The following ZC3H14 variants were observed in gnomAD, a reference collection of about 807,000 sequenced individuals.
ZC3H14 encodes the protein zinc finger CCCH-type containing 14.
ZC3H14 carries 31 observed loss-of-function variants against 92.4 expected under a neutral mutation model. The ratio of observed to expected loss-of-function variants is 0.34; its 90% CI spans 0.25 to 0.45. The LOEUF is 0.45. Ranked by LOEUF, ZC3H14 falls within the 20% of genes least tolerant of loss-of-function variation. The pLI is 1.00. For missense variants in ZC3H14, 781 were observed against 897.3 expected, an observed-to-expected ratio of 0.87 and a Z score of 1.66; for synonymous variants, 321 against 300.9, an observed-to-expected ratio of 1.07 and a Z score of -0.69.
intron 6 of ZC3H14, among the ~76,000 whole-genome samples, chr14:88,573,273 G>A (rs972460194): frequency 2.6e-5 from 4 of 151,758 alleles, no homozygotes; most frequent in Non-Finnish European, 4.4e-5. Flanking sequence ...CCAGCTACTC[G>A]GGAGGCTGAG....
intron 9 of ZC3H14, among the ~76,000 whole-genome samples, chr14:88,593,257 CG>C (rs2083383778): frequency 6.6e-6 from 1 of 152,150 alleles, no homozygotes. Context: ...TGAGTCACCA[CG>C]CCCAGCCTAG....
chr14:88,627,379 T>C lies in ZC3H14; in HGVS notation c.*15628T>C, dbSNP rs2090075013. 2.1e-6 allele frequency: 1 copy of C among 476,570 alleles called. No individual in the cohort carries two copies. Among genetic ancestry groups the C allele is most frequent in the Non-Finnish European group, 3.7e-6 (1 of 270,804 alleles). The allele number at this position is 476,570 out of a possible 1,614,324, so 29.5% of individuals were successfully genotyped here. On this transcript the variant is annotated 3_prime_UTR_variant, in exon 17 of 17. Transcript: ENST00000251038. ...AACCAATCAAATCATTAATAATAAA[T>C]ACATAGTTTCTTGCTGGAAGAAAAT... is the stretch of plus-strand genomic sequence containing the variant.
chr14:88,605,286 A>G (rs117524055), intron 12 of ZC3H14, among the ~76,000 whole-genome samples: 1,642 of 152,282 alleles, frequency 0.011, 12 homozygotes, highest in Non-Finnish European at 0.018. Context: ...GTCATCTCAC[A>G]TTTTCTTTGG....
At chr14:88,565,237 G>A (rs895597451) in intron 2 of ZC3H14, among the ~76,000 whole-genome samples, 1 of 152,106 alleles carries the variant, frequency 6.6e-6, no homozygotes, top group Non-Finnish European at 1.5e-5. Flanking sequence ...TGCCTCCCGG[G>A]TTCAAGCGAT....
At chr14:88,588,359 AAATT>A (rs1443004014) in intron 9 of ZC3H14, among the ~76,000 whole-genome samples, 1 of 152,236 alleles carries the variant, frequency 6.6e-6, no homozygotes, top group Non-Finnish European at 1.5e-5. Context: ...TATAGAAGGT[AAATT>A]TTCTGAGTTC....
In ZC3H14 at chr14:88,572,921, C is replaced by T. The variant is rs747583343; in HGVS notation, c.775C>T (p.Arg259Cys). The change falls in exon 6 of 17, where the codon CGT (arginine) becomes TGT (cysteine). Residue 259 changes from arginine to cysteine, a missense_variant. Arg to Cys is a radical substitution (Grantham distance 180, BLOSUM62 -3). Transcript: ENST00000251038. ...MQSSWVYETGRLCEPEVLNSL... is the reference protein window; with the variant it reads ...MQSSWVYETGCLCEPEVLNSL... ...GAGTAGTTGGGTATATGAAACAGGA[C>T]GTTTGTGTGAACCAGAGGTGCTTAA... 4.3e-6 allele frequency: 7 copies of T among 1,613,992 alleles called. No individual in the cohort carries two copies. The African/African-American group carries it at 6.7e-5, about 15-fold the overall frequency.
chr14:88,606,911 A>C (rs762298612), intron 12 of ZC3H14, among the ~76,000 whole-genome samples: 29 of 151,294 alleles, frequency 1.9e-4, no homozygotes, highest in Non-Finnish European at 3.4e-4. Context: ...GTTTTTATTT[A>C]ATTTTATTAG....
intron 8 of ZC3H14, 61 bp downstream of exon 8, chr14:88,576,001 G>C: frequency 2.2e-6 from 3 of 1,368,204 alleles, no homozygotes; most frequent in Non-Finnish European, 3.1e-6. Context: ...TGAGTAAGGT[G>C]AAAATGATTG....
At position 88,616,105 on chromosome 14, in the gene ZC3H14, C is replaced by T; in HGVS notation, c.*4354C>T. ...TTGTATTAAGTCTCTTAACTAGTAA[C>T]ATAGTCTGCTCTTCATGGGCTGAGA... On this transcript the variant is annotated 3_prime_UTR_variant, in exon 17 of 17. Transcript: ENST00000251038. The T allele has an allele frequency of 6.3e-7, 1 of 1,598,452 alleles. No homozygotes were observed. Among genetic ancestry groups the T allele is most frequent in the Non-Finnish European group, 8.6e-7 (1 of 1,166,022 alleles).
At chr14:88,565,597 CTG>C (rs1566877836) in intron 2 of ZC3H14, among the ~76,000 whole-genome samples, 1 of 152,108 alleles carries the variant, frequency 6.6e-6, no homozygotes, top group Admixed American at 6.5e-5. Context: ...TATTTAAACT[CTG>C]GGGTGGGTCA....
intron 16 of ZC3H14, among the ~76,000 whole-genome samples, chr14:88,611,454 A>G (rs1289910503): frequency 2.0e-5 from 3 of 152,190 alleles, no homozygotes; most frequent in Non-Finnish European, 2.9e-5. Context: ...AGGAGTATAT[A>G]TATGTGTACT....
chr14:88,621,315 A>G lies in ZC3H14; in HGVS notation c.*9564A>G, dbSNP rs1567019388. The G allele has an allele frequency of 6.2e-7, 1 of 1,613,788 alleles. No homozygotes were observed. The highest frequency in any genetic ancestry group is 8.5e-7 in the Non-Finnish European group (1 of 1,179,772). ...AAGGATCTTGCCCTGAAACACAAGC[A>G]GGACCAATACAGTGAATGTAATACA... On this transcript the variant is annotated 3_prime_UTR_variant, in exon 17 of 17. Transcript: ENST00000251038.
intron 8 of ZC3H14, 70 bp from the exon 9 acceptor site, chr14:88,577,915 A>T: frequency 1.3e-6 from 2 of 1,585,756 alleles, no homozygotes; most frequent in Non-Finnish European, 1.7e-6. Flanking sequence ...ATTTAATATG[A>T]CATAGTCACT....
At chr14:88,610,647 A>AAG (rs1555411133) in intron 15 of ZC3H14, among the ~76,000 whole-genome samples, 187 bp from the exon 16 acceptor site, 1 of 150,620 alleles carries the variant, frequency 6.6e-6, no homozygotes, top group African/African-American at 2.4e-5. Flanking sequence ...CCATCTCTTA[A>AAG]AAAAAAAAAA....
Position 88,612,739 on chromosome 14 carries a change from G to A in ZC3H14, c.*988G>A, listed in dbSNP as rs1406855201. On this transcript the variant is annotated 3_prime_UTR_variant, in exon 17 of 17. Coordinates refer to ENST00000251038, the MANE Select transcript of ZC3H14 (RefSeq NM_024824.5). ...AGAGATCAGATCAGATAGGTAAACT[G>A]CAAGATAGATAGGATGAAACTTTTG... 6.6e-6 allele frequency: 1 copy of A among 152,582 alleles called. No homozygotes were observed. Among genetic ancestry groups the A allele is most frequent in the African/African-American group, 2.4e-5 (1 of 41,450 alleles). The allele number at this position is 152,582 out of a possible 1,614,324, so 9.5% of individuals were successfully genotyped here.
chr14:88,578,477 G>C (rs7143853), intron 9 of ZC3H14, among the ~76,000 whole-genome samples: 35,607 of 151,980 alleles, frequency 0.23, 4,257 homozygotes, highest in East Asian at 0.32. Context: ...TCTTTTTATT[G>C]TGGAAATTTT....
At position 88,618,451 on chromosome 14, in the gene ZC3H14, G is replaced by T; in HGVS notation, c.*6700G>T. On this transcript the variant is annotated 3_prime_UTR_variant, in exon 17 of 17. Transcript: ENST00000251038. ...TTACATGTCTAACATTATTAAGTATGCAAAAGATCACTACAAAAACTTAAT... is the reference window on the plus strand; with the variant it reads ...TTACATGTCTAACATTATTAAGTATTCAAAAGATCACTACAAAAACTTAAT... 9.1e-7 allele frequency: 1 copy of T among 1,099,878 alleles called. No individual in the cohort carries two copies. Among genetic ancestry groups the T allele is most frequent in the Non-Finnish European group, 1.3e-6 (1 of 761,516 alleles). The allele number at this position is 1,099,878 out of a possible 1,614,324, so 68.1% of individuals were successfully genotyped here.
intron 3 of ZC3H14, among the ~76,000 whole-genome samples, chr14:88,568,853 G>A (rs987062789): frequency 3.3e-5 from 5 of 151,958 alleles, no homozygotes; most frequent in African/African-American, 7.3e-5. Context: ...AGTATATGTC[G>A]GCTATACTTA....
Position 88,611,746 on chromosome 14 carries a change from G to T in ZC3H14, c.2206G>T (p.Glu736Ter). Residue 736 changes from glutamate to a stop codon, truncating the protein, a stop_gained and splice_region_variant, in exon 17 of 17, where the codon GAA (glutamate) becomes TAA (stop). Transcript: ENST00000251038. LOFTEE classifies it high-confidence loss of function. ...ALKWIRPQTSE is the reference protein window; with the variant it reads ...ALKWIRPQTS Reference sequence around the variant, plus strand: ...CAATTTTTGGTTCTGTTCATTCAGCGAATAGCACCCAGTCCTGCCTGGCAG... The same window carrying T: ...CAATTTTTGGTTCTGTTCATTCAGCTAATAGCACCCAGTCCTGCCTGGCAG... The T allele has an allele frequency of 1.2e-6, 2 of 1,613,960 alleles. No individual in the cohort carries two copies. Among genetic ancestry groups the T allele is most frequent in the Middle Eastern group, 1.7e-4 (1 of 6,060 alleles).
Sources: allele counts gnomAD v4.1 joint callset (sites outside exome capture counted in the v4.1 genomes callset), GRCh38; gene constraint gnomAD v4.1.1; transcripts MANE v1.5; gene names NCBI Gene and HGNC (gene_info 2026-07-23, HGNC 2026-07-21).